Variants in STX16 observed in about 807,000 individuals in gnomAD.
The protein encoded by STX16 is syntaxin 16.
In STX16, 28 loss-of-function variants were observed where a neutral mutation model predicts 42.7. The observed-to-expected ratio is 0.66, with a 90% CI of 0.49 to 0.90. The LOEUF (loss-of-function observed/expected upper bound fraction) is 0.90. STX16 is among the 40% of genes least tolerant of loss of function. The pLI is 0.00. For missense variants in STX16, 361 were observed against 420.9 expected, an observed-to-expected ratio of 0.86 and a Z score of 1.24; for synonymous variants, 156 against 155.2, an observed-to-expected ratio of 1.00 and a Z score of -0.04.
chr20:58,659,838 G>A (rs1397579229), intron 2 of STX16, among the ~76,000 whole-genome samples: 1 of 152,114 alleles, frequency 6.6e-6, no homozygotes, highest in South Asian at 2.1e-4. Context: ...TTTAAAAAAG[G>A]CTTTGGGAAG....
rs995065641 is a variant in STX16 at position 58,678,068 on chromosome 20, T to C, written c.*1777T>C. 6.6e-6 allele frequency: 1 copy of C among 152,242 alleles called. No homozygotes were observed. The highest frequency in any genetic ancestry group is 2.4e-5 in the African/African-American group (1 of 41,450). 9.4% of individuals were successfully genotyped at this position (152,242 alleles called of 1,614,324 possible). On this transcript the variant is annotated 3_prime_UTR_variant, in exon 9 of 9. Coordinates refer to ENST00000371141, the MANE Select transcript of STX16 (RefSeq NM_001001433.3). Reference sequence around the variant, plus strand: ...TGTTGAGAGTCACTGCAGGTGTTCTTTCATCCCATCTGATTTTAACCCATG... The same window carrying C: ...TGTTGAGAGTCACTGCAGGTGTTCTCTCATCCCATCTGATTTTAACCCATG...
chr20:58,676,803 A>G lies in STX16; in HGVS notation c.*512A>G, dbSNP rs1322267372. On this transcript the variant is annotated 3_prime_UTR_variant, in exon 9 of 9. Coordinates refer to ENST00000371141, the MANE Select transcript of STX16 (RefSeq NM_001001433.3). Reference sequence around the variant, plus strand: ...TATATTTTCCAGTTGAAAACAAACTAAGAAGTCCTTTAAGAATTTATAATC... The same window carrying G: ...TATATTTTCCAGTTGAAAACAAACTGAGAAGTCCTTTAAGAATTTATAATC... 6.5e-6 allele frequency: 1 copy of G among 152,690 alleles called. No individual in the cohort carries two copies. The highest frequency in any genetic ancestry group is 2.4e-5 in the African/African-American group (1 of 41,460). The allele number at this position is 152,690 out of a possible 1,614,324, so 9.5% of individuals were successfully genotyped here.
chr20:58,668,545 A>G (rs1350593057), intron 4 of STX16, among the ~76,000 whole-genome samples: 1 of 151,984 alleles, frequency 6.6e-6, no homozygotes, highest in Non-Finnish European at 1.5e-5. Context: ...AAATAATAGG[A>G]CTAGTGTTGA....
chr20:58,676,376 A>T lies in STX16; in HGVS notation c.*85A>T. 2 of 1,244,308 alleles carry T rather than the reference A, an allele frequency of 1.6e-6. No homozygotes were observed. Among genetic ancestry groups the T allele is most frequent in the Non-Finnish European group, 2.4e-6 (2 of 847,068 alleles). The allele number at this position is 1,244,308 out of a possible 1,614,324, so 77.1% of individuals were successfully genotyped here. A position where few individuals can be genotyped will look rare whatever the true frequency, so the allele number is the denominator to read the frequency against. On this transcript the variant is annotated 3_prime_UTR_variant, in exon 9 of 9. Coordinates refer to ENST00000371141, the MANE Select transcript of STX16 (RefSeq NM_001001433.3). ...CCTGCGCCCCGCCAGCTGCCCGCAG[A>T]GGTGCAGCCTCGAGGAATCTGAGGG...
intron 7 of STX16, among the ~76,000 whole-genome samples, chr20:58,672,453 C>A (rs538428515): frequency 2.6e-5 from 4 of 151,728 alleles, no homozygotes; most frequent in Non-Finnish European, 4.4e-5. Flanking sequence ...AGACTTGGGT[C>A]CCATCCAGAA....
intron 7 of STX16, 78 bp downstream of exon 7, chr20:58,671,375 G>C (rs1236310778): frequency 6.8e-7 from 1 of 1,478,126 alleles, no homozygotes; most frequent in African/African-American, 1.4e-5. Context: ...ACTCCTTTCA[G>C]GGAAAAAAAT....
At chr20:58,668,885 A>G (rs116068544) in intron 4 of STX16, among the ~76,000 whole-genome samples, 3,121 of 152,316 alleles carry the variant, frequency 0.02, 112 homozygotes, top group African/African-American at 0.072. Context: ...TTGAGTGCCA[A>G]TATGACACTC....
At position 58,673,624 on chromosome 20, in the gene STX16, T is replaced by G; in HGVS notation, c.793-7T>G. 6.3e-7 allele frequency: 1 copy of G among 1,599,220 alleles called. No homozygotes were observed. The highest frequency in any genetic ancestry group is 1.3e-5 in the African/African-American group (1 of 74,632). ...TTGATTGTCTGTAACTGTCATTTAT[T>G]ACCTAGGGTACAGTCCTTGACAGAA... On this transcript the variant is annotated splice_polypyrimidine_tract_variant and splice_region_variant and intron_variant, in intron 7 of 8. Coordinates refer to ENST00000371141, the MANE Select transcript of STX16 (RefSeq NM_001001433.3).
chr20:58,652,084 G>C lies in STX16; in HGVS notation c.78G>C (p.Glu26Asp), dbSNP rs771552339. ...TCCAAAACCGGCAGCTGTTAGCCGAGCAAGTGAGTAGTCACATCACCTCCA... is the reference window on the plus strand; with the variant it reads ...TCCAAAACCGGCAGCTGTTAGCCGACCAAGTGAGTAGTCACATCACCTCCA... ...NSIQNRQLLA[E>D]QVSSHITSSP... The change falls in exon 1 of 9, where the codon GAG (glutamate) becomes GAC (aspartate). Residue 26 changes from glutamate to aspartate, a missense_variant. Physicochemically the swap from Glu to Asp is conservative, Grantham distance 45. Transcript: ENST00000371141. The C allele has an allele frequency of 6.2e-7, 1 of 1,614,222 alleles. No individual in the cohort carries two copies. Among genetic ancestry groups the C allele is most frequent in the Admixed American group, 1.7e-5 (1 of 60,030 alleles).
intron 2 of STX16, among the ~76,000 whole-genome samples, chr20:58,661,349 T>C (rs551377657): frequency 1.3e-5 from 2 of 152,388 alleles, no homozygotes; most frequent in Admixed American, 1.3e-4. Flanking sequence ...GGCTACTCAC[T>C]GCATGAACTT....
intron 1 of STX16, among the ~76,000 whole-genome samples, chr20:58,655,198 TA>T (rs926714604): frequency 3.8e-4 from 57 of 150,554 alleles, no homozygotes; most frequent in African/African-American, 9.7e-4. Flanking sequence ...ACAGACTTTT[TA>T]AAAAAAAAAT....
chr20:58,655,714 G>T (rs923017449), intron 1 of STX16, among the ~76,000 whole-genome samples: 2 of 152,156 alleles, frequency 1.3e-5, no homozygotes, highest in East Asian at 3.9e-4. Flanking sequence ...TCTTCCTTCT[G>T]TCTGGTAACC....
chr20:58,658,439 A>G (rs16982212), intron 1 of STX16, among the ~76,000 whole-genome samples: 2,115 of 152,320 alleles, frequency 0.014, 48 homozygotes, highest in African/African-American at 0.048. Context: ...TTGCTCTCAT[A>G]GAAAATTGTG....
chr20:58,660,914 A>G (rs2083683015), intron 2 of STX16, among the ~76,000 whole-genome samples: 1 of 150,978 alleles, frequency 6.6e-6, no homozygotes, highest in Non-Finnish European at 1.5e-5. Context: ...GTGCATGTAT[A>G]CTTTGCCACT....
At chr20:58,653,029 T>C (rs2083506614) in intron 1 of STX16, among the ~76,000 whole-genome samples, 1 of 152,194 alleles carries the variant, frequency 6.6e-6, no homozygotes, top group Admixed American at 6.5e-5. Flanking sequence ...GTCTGGATGA[T>C]CTATACCAGA....
Position 58,676,297 on chromosome 20 carries a change from A to G in STX16, c.*6A>G. On this transcript the variant is annotated 3_prime_UTR_variant, in exon 9 of 9. Coordinates refer to ENST00000371141, the MANE Select transcript of STX16 (RefSeq NM_001001433.3). The stretch of plus-strand genomic sequence containing the variant: ...TTGGCGTGAAGTCTCGATAAGTGGC[A>G]TTGGGTTTTCGTGTGTGCCGCGCGT... The G allele has an allele frequency of 6.2e-7, 1 of 1,613,464 alleles. No homozygotes were observed. Among genetic ancestry groups the G allele is most frequent in the Non-Finnish European group, 8.5e-7 (1 of 1,179,390 alleles).
intron 2 of STX16, among the ~76,000 whole-genome samples, chr20:58,662,677 T>TTTTA (rs1283785818): frequency 2.0e-5 from 3 of 151,812 alleles, no homozygotes; most frequent in African/African-American, 7.3e-5. Flanking sequence ...TGCGTGGCTA[T>TTTTA]TTTATTTATT....
intron 2 of STX16, among the ~76,000 whole-genome samples, chr20:58,662,979 C>T (rs956424713): frequency 6.6e-6 from 1 of 152,192 alleles, no homozygotes; most frequent in Non-Finnish European, 1.5e-5. Flanking sequence ...TCCAACAACT[C>T]GGATTTCTTA....
rs1437578341 is a variant in STX16, at chr20:58,651,859, A to C, written c.-148A>C. The C allele has an allele frequency of 9.0e-6, 7 of 781,106 alleles. No individual in the cohort carries two copies. The highest frequency in any genetic ancestry group is 1.5e-5 in the Non-Finnish European group (7 of 479,512). The allele number at this position is 781,106 out of a possible 1,614,324, so 48.4% of individuals were successfully genotyped here. ...GTCTCTACGCCTTGGCGAAGCGCACAGCTGCATCTTTTTGGCTTGAGGCCT... is the reference window on the plus strand; with the variant it reads ...GTCTCTACGCCTTGGCGAAGCGCACCGCTGCATCTTTTTGGCTTGAGGCCT... On this transcript the variant is annotated 5_prime_UTR_variant, in exon 1 of 9. Transcript: ENST00000371141.
Sources: allele counts gnomAD v4.1 joint callset (sites outside exome capture counted in the v4.1 genomes callset), GRCh38; gene constraint gnomAD v4.1.1; transcripts MANE v1.5; gene names NCBI Gene and HGNC (gene_info 2026-07-23, HGNC 2026-07-21).